NRCAM: variants seen among roughly 807,000 people sequenced by gnomAD.
The protein encoded by NRCAM is NgCAM-related cell adhesion molecule.
NRCAM carries 83 observed loss-of-function variants against 156.5 expected under a neutral mutation model. That is an observed-to-expected ratio of 0.53 (90% confidence interval 0.44 to 0.64). The LOEUF (loss-of-function observed/expected upper bound fraction) is 0.64, where lower values mean the gene tolerates loss of function less well. Among genes scored for constraint, NRCAM ranks in the 30% least tolerant of loss-of-function variants. NRCAM has a pLI of 0.00. For missense variants in NRCAM, 1,417 were observed against 1,597.3 expected (o/e 0.89, Z 1.92); for synonymous variants, 538 against 563.9 (o/e 0.95, Z 0.65).
At chr7:108,409,386 T>C (rs961724229) in intron 1 of NRCAM, among the ~76,000 whole-genome samples, 3 of 152,234 alleles carry the variant, frequency 2.0e-5, no homozygotes, top group Non-Finnish European at 4.4e-5. Context: ...GAACAGTCTG[T>C]GACAGCCACA....
intron 2 of NRCAM, among the ~76,000 whole-genome samples, chr7:108,364,386 ACC>A (rs2099578862): frequency 6.6e-6 from 1 of 152,158 alleles, no homozygotes; most frequent in East Asian, 1.9e-4. Flanking sequence ...AGAAAATGAA[ACC>A]CTCATACATT....
intron 11 of NRCAM, among the ~76,000 whole-genome samples, chr7:108,215,281 C>T (rs59954160): frequency 2.0e-5 from 3 of 146,420 alleles, no homozygotes; most frequent in East Asian, 2.0e-4. Context: ...GGTGCGATCT[C>T]GGCTCACTGC....
chr7:108,188,790 A>G (rs2069009342), intron 20 of NRCAM, among the ~76,000 whole-genome samples: 1 of 145,530 alleles, frequency 6.9e-6, no homozygotes, highest in Non-Finnish European at 1.5e-5. Flanking sequence ...CACAAGATAG[A>G]GGAGGGGCTT....
chr7:108,335,434 C>CTTTTTTTTTTTTTTTTTGTTTTTTTT (rs2099170757), intron 2 of NRCAM, among the ~76,000 whole-genome samples: 1 of 69,876 alleles, frequency 1.4e-5, no homozygotes. Flanking sequence ...GTTCCACCTG[C>CTTTTTTTTTTTTTTTTTGTTTTTTTT]TTTTTTTTTT....
chr7:108,451,598 A>G (rs561559319), intron 1 of NRCAM, among the ~76,000 whole-genome samples: 1 of 152,366 alleles, frequency 6.6e-6, no homozygotes, highest in East Asian at 1.9e-4. Flanking sequence ...TGGCATATAC[A>G]TACAATGAAA....
chr7:108,312,591 T>C (rs907073837), intron 3 of NRCAM, 74 bp downstream of exon 3: 1 of 152,226 alleles, frequency 6.6e-6, no homozygotes, highest in Non-Finnish European at 1.5e-5. Flanking sequence ...TAATATTACA[T>C]AATCACATTA....
chr7:108,382,680 C>CT (rs1240247626), intron 2 of NRCAM, among the ~76,000 whole-genome samples: 1 of 152,130 alleles, frequency 6.6e-6, no homozygotes, highest in East Asian at 1.9e-4. Flanking sequence ...ACCCTGGCAT[C>CT]TAAGTACTAG....
intron 1 of NRCAM, among the ~76,000 whole-genome samples, chr7:108,420,039 CGT>C (rs35840496): frequency 0.099 from 14,527 of 146,648 alleles, 771 homozygotes; most frequent in Middle Eastern, 0.16. Flanking sequence ...TTAGTTCCAT[CGT>C]GTGTGTGTGT....
intron 26 of NRCAM, 35 bp downstream of exon 26, chr7:108,177,955 A>C: frequency 2.6e-6 from 4 of 1,559,604 alleles, no homozygotes; most frequent in Non-Finnish European, 3.5e-6. Flanking sequence ...AAATAAAAAA[A>C]CATATTTCCC....
Position 108,290,531 on chromosome 7 carries a change from G to A in NRCAM, c.-107+22134C>T, listed in dbSNP as rs2098255579. Among the ~76,000 whole-genome samples, 6 of 152,160 alleles carry A rather than the reference G, an allele frequency of 3.9e-5. No homozygotes were observed. In the South Asian group the frequency reaches 1.0e-3, roughly 26 times the overall value. On this transcript the variant is annotated intron_variant, in intron 3 of 32. Transcript: ENST00000379028. ...AGTTGAATCAGCAACTCTCAGAGAA[G>A]GACAGAGCTGGGTCAACAGTACAGT...
chr7:108,161,252 A>C (rs141550825), intron 30 of NRCAM, among the ~76,000 whole-genome samples: 2 of 152,370 alleles, frequency 1.3e-5, no homozygotes, highest in African/African-American at 4.8e-5. Flanking sequence ...GACCAGTTTG[A>C]AAAGAAAGTA....
At chr7:108,439,490 T>C (rs1242817681) in intron 1 of NRCAM, among the ~76,000 whole-genome samples, 3 of 152,128 alleles carry the variant, frequency 2.0e-5, no homozygotes. Context: ...TCCACGTTAT[T>C]AGCCATTAGG....
Position 108,198,105 on chromosome 7 carries a change from T to C in NRCAM, c.1208-6A>G, listed in dbSNP as rs2076073349. On this transcript the variant is annotated splice_polypyrimidine_tract_variant and splice_region_variant and intron_variant, in intron 13 of 32. Coordinates refer to ENST00000379028, the MANE Select transcript of NRCAM (RefSeq NM_001037132.4). ...GCTGGGGTCATCAGGGGCAACTGTT[T>C]GGATGTAAAAATAGAAAGTATTTAT... is the stretch of plus-strand genomic sequence containing the variant. The C allele has an allele frequency of 6.3e-7, 1 of 1,590,330 alleles. No homozygotes were observed. Among genetic ancestry groups the C allele is most frequent in the Non-Finnish European group, 8.5e-7 (1 of 1,172,488 alleles).
intron 3 of NRCAM, among the ~76,000 whole-genome samples, chr7:108,294,135 A>G (rs555989800): frequency 5.6e-5 from 8 of 143,268 alleles, no homozygotes; most frequent in African/African-American, 1.8e-4. Flanking sequence ...TAGGAGCAGT[A>G]GGGTTGATGT....
chr7:108,350,609 CCTGA>C (rs1168558547), intron 2 of NRCAM, among the ~76,000 whole-genome samples: 1 of 152,136 alleles, frequency 6.6e-6, no homozygotes, highest in African/African-American at 2.4e-5. Flanking sequence ...ATTATTTTGC[CCTGA>C]CTGTCTTTCT....
chr7:108,440,918 G>C lies in NRCAM; in HGVS notation c.-332+15325C>G, dbSNP rs10272037. Among the ~76,000 whole-genome samples, 845 of 152,232 alleles carry C rather than the reference G, an allele frequency of 5.6e-3. 12 individuals are homozygous for C. The highest frequency in any genetic ancestry group is 0.019 in the African/African-American group (794 of 41,528). On this transcript the variant is annotated intron_variant, in intron 1 of 32. Coordinates refer to ENST00000379028, the MANE Select transcript of NRCAM (RefSeq NM_001037132.4). ...TCTGAGAACCTTCAGCTTTTAAAGA[G>C]CTTGCTGTATAAAAAACACAACAGG...
intron 2 of NRCAM, among the ~76,000 whole-genome samples, chr7:108,317,865 C>T (rs867976620): frequency 3.4e-5 from 5 of 145,532 alleles, no homozygotes; most frequent in South Asian, 2.2e-4. Context: ...GTTGAGATGG[C>T]GCCATTGCAC....
At position 108,235,287 on chromosome 7, in the gene NRCAM, T is replaced by C. The variant is rs192703948; in HGVS notation, c.125-599A>G. ...ATGGAATTGAGGAAGTTCTCTGTCC[T>C]AGGAGACAGTGTTCCCATTTACTCT... On this transcript the variant is annotated intron_variant, in intron 5 of 32. Transcript: ENST00000379028. 2.8e-3 allele frequency among the ~76,000 whole-genome samples: 432 copies of C among 152,254 alleles called. 8 individuals are homozygous for C. The highest frequency in any genetic ancestry group is 7.2e-4 in the Non-Finnish European group (49 of 68,006).
At chr7:108,251,779 T>G (rs866502564) in intron 3 of NRCAM, among the ~76,000 whole-genome samples, 7 of 152,234 alleles carry the variant, frequency 4.6e-5, no homozygotes, top group Non-Finnish European at 7.4e-5. Context: ...AGTTGAGCAG[T>G]GGTTTCTGGG....
Sources: gnomAD v4.1 joint callset for allele counts (sites outside exome capture counted in the v4.1 genomes callset) on GRCh38, gnomAD v4.1.1 for gene constraint, MANE v1.5 for transcripts, NCBI Gene and HGNC (gene_info 2026-07-23, HGNC 2026-07-21) for gene names.